The following CRB1 variants were observed in gnomAD, a reference collection of about 807,000 sequenced individuals.
CRB1 encodes the protein protein crumbs homolog 1.
Under a neutral mutation model 120.0 loss-of-function variants are expected in CRB1, and 83 were observed. That is an observed-to-expected ratio of 0.69 (90% confidence interval 0.58 to 0.83). The LOEUF (loss-of-function observed/expected upper bound fraction) is 0.83, where lower values mean the gene tolerates loss of function less well. CRB1 is among the 40% of genes least tolerant of loss of function. CRB1 has a pLI of 0.00. For synonymous variants in CRB1, 625 were observed against 612.5 expected (o/e 1.02, Z -0.30); for missense variants, 1,699 against 1,687.6 (o/e 1.01, Z -0.12).
intron 11 of CRB1, among the ~76,000 whole-genome samples, chr1:197,449,609 G>T (rs1450641170): frequency 6.6e-6 from 1 of 151,992 alleles, no homozygotes. Context: ...CTCGTGATCC[G>T]CCCGCCTCGG....
At chr1:197,349,896 C>G (rs543788852) in intron 4 of CRB1, among the ~76,000 whole-genome samples, 13 of 151,472 alleles carry the variant, frequency 8.6e-5, no homozygotes, top group African/African-American at 3.2e-4. Context: ...GTCAGGAGAT[C>G]GAGACCATCC....
At position 197,447,678 on chromosome 1, in the gene CRB1, C is replaced by A. The variant is rs374944504; in HGVS notation, c.4005+5386C>A. Among the ~76,000 whole-genome samples the A allele has an allele frequency of 7.9e-3, 1,177 of 148,380 alleles. 15 individuals are homozygous for A. The highest frequency in any genetic ancestry group is 0.025 in the African/African-American group (1,006 of 40,366). ...AAGCATGGTAAAATCCCCTTTCTGACAAAAAAAAAGAAAAGAAAAAATACA... is the reference window on the plus strand; with the variant it reads ...AAGCATGGTAAAATCCCCTTTCTGAAAAAAAAAAAGAAAAGAAAAAATACA... On this transcript the variant is annotated intron_variant, in intron 11 of 11. Coordinates refer to ENST00000367400, the MANE Select transcript of CRB1 (RefSeq NM_201253.3).
rs1251388318 is a variant in CRB1 at position 197,435,332 on chromosome 1, A to G, written c.3469A>G (p.Ile1157Val). 1.2e-6 allele frequency: 2 copies of G among 1,613,816 alleles called. No homozygotes were observed. Among genetic ancestry groups the G allele is most frequent in the Non-Finnish European group, 1.7e-6 (2 of 1,179,838 alleles). ...TTTGCATGGAGGAAACTGTGAAGACATCTATAGCTCTTATCATTGCTCCTG... is the reference window on the plus strand; with the variant it reads ...TTTGCATGGAGGAAACTGTGAAGACGTCTATAGCTCTTATCATTGCTCCTG... ...PCLHGGNCED[I>V]YSSYHCSCPL... Residue 1157 changes from isoleucine to valine, a missense_variant, in exon 9 of 12, where the codon ATC (isoleucine) becomes GTC (valine). By Grantham distance (29) the Ile-to-Val change is conservative. Coordinates refer to ENST00000367400, the MANE Select transcript of CRB1 (RefSeq NM_201253.3).
At chr1:197,241,110 A>G in the CRB1 span, among the ~76,000 whole-genome samples, 3 of 152,206 alleles carry the variant, frequency 2.0e-5, no homozygotes, top group African/African-American at 7.2e-5. Context: ...GCCCTTTGTC[A>G]GATGGATAGA....
At chr1:197,377,782 G>C (rs546419343) in intron 5 of CRB1, among the ~76,000 whole-genome samples, 2 of 151,892 alleles carry the variant, frequency 1.3e-5, no homozygotes, top group Non-Finnish European at 1.5e-5. Context: ...TATGAGAAAG[G>C]CTTTTGTTAA....
At chr1:197,389,529 G>T (rs1049760185) in intron 5 of CRB1, among the ~76,000 whole-genome samples, 1 of 152,076 alleles carries the variant, frequency 6.6e-6, no homozygotes, top group Admixed American at 6.6e-5. Context: ...ACTGCCAGGG[G>T]CTGAGGGGAA....
rs374194344 is a variant in CRB1 at position 197,435,329 on chromosome 1, G to A, written c.3466G>A (p.Asp1156Asn). The A allele has an allele frequency of 2.2e-5, 35 of 1,613,640 alleles. No individual in the cohort carries two copies. The African/African-American group carries it at 4.3e-4, about 20-fold the overall frequency. The change falls in exon 9 of 12, where the codon GAC (aspartate) becomes AAC (asparagine). Residue 1156 changes from aspartate (D) to asparagine (N), a missense_variant. Coordinates refer to ENST00000367400, the MANE Select transcript of CRB1 (RefSeq NM_201253.3). Reference sequence around the variant, plus strand: ...CTGTTTGCATGGAGGAAACTGTGAAGACATCTATAGCTCTTATCATTGCTC... The same window carrying A: ...CTGTTTGCATGGAGGAAACTGTGAAAACATCTATAGCTCTTATCATTGCTC... Reference protein sequence around the residue: ...NPCLHGGNCEDIYSSYHCSCP... With the variant: ...NPCLHGGNCENIYSSYHCSCP...
chr1:197,259,983 TAA>T, the CRB1 span, among the ~76,000 whole-genome samples: 47 of 131,024 alleles, frequency 3.6e-4, no homozygotes, highest in Admixed American at 6.2e-4. Flanking sequence ...GCCCCATGTC[TAA>T]AAAAAAAAAA....
the CRB1 span, among the ~76,000 whole-genome samples, chr1:197,211,170 C>A: frequency 2.6e-5 from 4 of 152,014 alleles, no homozygotes; most frequent in African/African-American, 9.7e-5. Context: ...TAGTGTTTAT[C>A]CCACTTTCTT....
chr1:197,393,800 C>CTTAA (rs71131756), intron 5 of CRB1, among the ~76,000 whole-genome samples: 50,276 of 151,634 alleles, frequency 0.33, 8,687 homozygotes, highest in African/African-American at 0.43. Flanking sequence ...TGTTCTTCTG[C>CTTAA]TTTTTTCAAA....
chr1:197,370,773 A>G (rs1661330637), intron 5 of CRB1, among the ~76,000 whole-genome samples: 1 of 152,144 alleles, frequency 6.6e-6, no homozygotes. Context: ...TTTGGTTGCA[A>G]CATTCTTCCT....
chr1:197,271,333 A>T (rs1401397434), intron 1 of CRB1, among the ~76,000 whole-genome samples: 1 of 152,124 alleles, frequency 6.6e-6, no homozygotes, highest in East Asian at 1.9e-4. Context: ...CCAGCTCCAT[A>T]CTGTATTTTG....
At chr1:197,298,250 C>T (rs1450895999) in intron 1 of CRB1, among the ~76,000 whole-genome samples, 2 of 152,050 alleles carry the variant, frequency 1.3e-5, no homozygotes, top group African/African-American at 2.4e-5. Flanking sequence ...ATTCTGAGCA[C>T]GCTGAAATTT....
chr1:197,203,626 A>G, the CRB1 span, among the ~76,000 whole-genome samples: 2 of 152,184 alleles, frequency 1.3e-5, no homozygotes, highest in Admixed American at 6.5e-5. Context: ...CGACTGGCCT[A>G]CTTGACATTT....
At chr1:197,388,677 C>T (rs1662343046) in intron 5 of CRB1, among the ~76,000 whole-genome samples, 1 of 152,012 alleles carries the variant, frequency 6.6e-6, no homozygotes. Flanking sequence ...ATGTAGAAAT[C>T]AATCACACAT....
intron 1 of CRB1, among the ~76,000 whole-genome samples, chr1:197,287,607 G>A (rs970263547): frequency 6.6e-6 from 1 of 151,746 alleles, no homozygotes; most frequent in Non-Finnish European, 1.5e-5. Context: ...GGAGAGAGGC[G>A]CTAGGGAAAG....
At chr1:197,275,402 C>T (rs1168948057) in intron 1 of CRB1, among the ~76,000 whole-genome samples, 1 of 151,972 alleles carries the variant, frequency 6.6e-6, no homozygotes, top group Non-Finnish European at 1.5e-5. Flanking sequence ...ATTTTTTAAA[C>T]ATAGTAAGTG....
intron 11 of CRB1, chr1:197,443,357 C>G (rs1456156334): frequency 6.6e-6 from 1 of 151,902 alleles, no homozygotes; most frequent in African/African-American, 2.4e-5. Flanking sequence ...AAAACTGTCT[C>G]TCTAACAAAG....
intron 2 of CRB1, 23 bp from the exon 3 acceptor site, chr1:197,344,258 T>A (rs761587904): frequency 6.8e-6 from 11 of 1,613,104 alleles, no homozygotes; most frequent in Non-Finnish European, 9.3e-6. Flanking sequence ...TTTCTGTTTT[T>A]TCTGTGCTGA....
Sources: allele counts gnomAD v4.1 joint callset (sites outside exome capture counted in the v4.1 genomes callset), GRCh38; gene constraint gnomAD v4.1.1; transcripts MANE v1.5; gene names NCBI Gene and HGNC (gene_info 2026-07-23, HGNC 2026-07-21).